DTL: variants seen among roughly 807,000 people sequenced by gnomAD.
DTL encodes the protein denticleless protein homolog.
In DTL, 46 loss-of-function variants were observed where a neutral mutation model predicts 87.0. The ratio of observed to expected loss-of-function variants is 0.53; its 90% CI spans 0.42 to 0.68. DTL has a LOEUF of 0.68. Among genes scored for constraint, DTL ranks in the 30% least tolerant of loss-of-function variants. The probability of loss-of-function intolerance (pLI) is 0.00; values close to 1 mark genes in which losing one functional copy is unlikely to be tolerated. For missense variants in DTL, 737 were observed against 869.4 expected (o/e 0.85, Z 1.91); for synonymous variants, 308 against 311.2 (o/e 0.99, Z 0.11).
intron 5 of DTL, among the ~76,000 whole-genome samples, chr1:212,053,025 G>A (rs893942542): frequency 1.4e-4 from 21 of 152,000 alleles, no homozygotes; most frequent in Non-Finnish European, 2.5e-4. Flanking sequence ...TAGTAATTTC[G>A]GTCTCTATAG....
At chr1:212,061,055 AAGT>A (rs988214936) in intron 5 of DTL, among the ~76,000 whole-genome samples, 1 of 152,188 alleles carries the variant, frequency 6.6e-6, no homozygotes, top group Admixed American at 6.5e-5. Flanking sequence ...AAATATTAAA[AAGT>A]AGGCAAACAC....
At chr1:212,096,721 A>G (rs535204047) in intron 13 of DTL, among the ~76,000 whole-genome samples, 20 of 152,230 alleles carry the variant, frequency 1.3e-4, no homozygotes, top group Non-Finnish European at 2.1e-4. Flanking sequence ...TTATTCCACT[A>G]TGGTCTGAGA....
At chr1:212,039,667 A>G (rs1443684423) in intron 1 of DTL, among the ~76,000 whole-genome samples, 3 of 152,238 alleles carry the variant, frequency 2.0e-5, no homozygotes, top group Non-Finnish European at 2.9e-5. Flanking sequence ...ACAAAGCTAG[A>G]TAGTGTAACT....
chr1:212,054,413 A>C (rs568590642), intron 5 of DTL, among the ~76,000 whole-genome samples: 1,682 of 151,972 alleles, frequency 0.011, 33 homozygotes, highest in African/African-American at 0.038. Flanking sequence ...CACACAAAAA[A>C]AAAAAAAACA....
chr1:212,041,566 C>G (rs1179150377), intron 1 of DTL, among the ~76,000 whole-genome samples: 1 of 151,786 alleles, frequency 6.6e-6, no homozygotes, highest in Non-Finnish European at 1.5e-5. Flanking sequence ...AGTGCAGTGG[C>G]GAGGTCTCAG....
chr1:212,035,794 A>G lies in DTL; in HGVS notation c.-97A>G. On this transcript the variant is annotated 5_prime_UTR_variant, in exon 1 of 15. Coordinates refer to ENST00000366991, the MANE Select transcript of DTL (RefSeq NM_016448.4). ...ACAGTGGCGGGAGTTGGAGGCGATA[A>G]CGATTTGTGTTGTGAGAGGCGCAAG... 3.3e-6 allele frequency: 4 copies of G among 1,206,620 alleles called. No homozygotes were observed. The highest frequency in any genetic ancestry group is 4.8e-6 in the Non-Finnish European group (4 of 835,402). 74.7% of individuals were successfully genotyped at this position (1,206,620 alleles called of 1,614,324 possible).
At position 212,078,208 on chromosome 1, in the gene DTL, G is replaced by A. The variant is rs1201091551; in HGVS notation, c.1071G>A (p.Leu357=). The change falls in exon 12 of 15, where the codon CTG becomes CTA. Residue 357 remains leucine, a synonymous_variant. Transcript: ENST00000366991. ...CCTGGCAACCTCCTACTGTGCTCCT[G>A]GGTCATTCTCAAGAGGTCACGTCTG... The part of the protein sequence containing the change: ...STPWQPPTVL[L]GHSQEVTSVC... The A allele has an allele frequency of 1.2e-6, 2 of 1,612,776 alleles. No individual in the cohort carries two copies. The highest frequency in any genetic ancestry group is 1.7e-6 in the Non-Finnish European group (2 of 1,178,950).
rs1234355799 is a variant in DTL, at chr1:212,068,257, T to C, written c.747T>C (p.Tyr249=). The change falls in exon 9 of 15, where the codon TAT becomes TAC. Residue 249 remains tyrosine, a synonymous_variant. Transcript: ENST00000366991. ...AAGTATGGGATTTACGTAAGAATTA[T>C]ACTGCTTATCGACAAGAACCCATAG... ...IIKVWDLRKN[Y]TAYRQEPIAS... The C allele has an allele frequency of 1.2e-6, 2 of 1,610,194 alleles. No homozygotes were observed. Among genetic ancestry groups the C allele is most frequent in the South Asian group, 1.1e-5 (1 of 90,010 alleles).
chr1:212,081,099 A>G (rs1654979479), intron 13 of DTL, among the ~76,000 whole-genome samples: 1 of 152,224 alleles, frequency 6.6e-6, no homozygotes. Flanking sequence ...AAGATAAAAA[A>G]GTAAAATATA....
At chr1:212,099,261 G>A (rs140459146) in intron 13 of DTL, among the ~76,000 whole-genome samples, 2,347 of 151,998 alleles carry the variant, frequency 0.015, 33 homozygotes, top group Non-Finnish European at 0.023. Context: ...TTGAAACGGA[G>A]TCTCGCTGTC....
At chr1:212,061,661 T>TA (rs1453897081) in intron 5 of DTL, among the ~76,000 whole-genome samples, 2 of 152,110 alleles carry the variant, frequency 1.3e-5, no homozygotes, top group South Asian at 2.1e-4. Flanking sequence ...AACGAACAAA[T>TA]AGAGTTTTTA....
intron 5 of DTL, 88 bp downstream of exon 5, chr1:212,047,505 G>A (rs2970592): frequency 0.57 from 867,078 of 1,513,094 alleles, 250,919 homozygotes; most frequent in Non-Finnish European, 0.59. Flanking sequence ...CCTTTCCCCT[G>A]TCAAAGTTAC....
rs1571942071 is a variant in DTL, at chr1:212,047,095, A to G, written c.278-56A>G. 4 of 1,494,902 alleles carry G rather than the reference A, an allele frequency of 2.7e-6. No individual in the cohort carries two copies. In the Admixed American group the frequency reaches 5.0e-5, roughly 19 times the overall value. The allele number at this position is 1,494,902 out of a possible 1,614,324, so 92.6% of individuals were successfully genotyped here. On this transcript the variant is annotated intron_variant, in intron 3 of 14. Coordinates refer to ENST00000366991, the MANE Select transcript of DTL (RefSeq NM_016448.4). ...TCCAGGCATTTAAAGTTATATTAATATGGGTACCACAGAATACAATTTAGA... is the reference window on the plus strand; with the variant it reads ...TCCAGGCATTTAAAGTTATATTAATGTGGGTACCACAGAATACAATTTAGA...
Position 212,040,461 on chromosome 1 carries a change from A to G in DTL, c.53-2532A>G, listed in dbSNP as rs928979349. Among the ~76,000 whole-genome samples, 22 of 152,240 alleles carry G rather than the reference A, an allele frequency of 1.4e-4. 1 individual carries two copies. The highest frequency in any genetic ancestry group is 2.0e-4 in the Admixed American group (3 of 15,286). On this transcript the variant is annotated intron_variant, in intron 1 of 14. Transcript: ENST00000366991. ...GTTTAGGCACAGTAAGAGATTAACA[A>G]TAACTAATAATAACATAGAACAATT...
At chr1:212,087,454 G>A (rs1421679591) in intron 13 of DTL, among the ~76,000 whole-genome samples, 1 of 152,102 alleles carries the variant, frequency 6.6e-6, no homozygotes, top group African/African-American at 2.4e-5. Flanking sequence ...GGAGGCTGAG[G>A]CAGGAGAATG....
At chr1:212,079,781 T>TTGAACA (rs1216869638) in intron 12 of DTL, among the ~76,000 whole-genome samples, 6 of 152,230 alleles carry the variant, frequency 3.9e-5, no homozygotes, top group South Asian at 2.1e-4. Context: ...GTTAAATATG[T>TTGAACA]GTATCTTCTT....
intron 13 of DTL, among the ~76,000 whole-genome samples, chr1:212,094,764 C>G (rs1037829229): frequency 1.3e-5 from 2 of 152,112 alleles, no homozygotes; most frequent in Non-Finnish European, 2.9e-5. Context: ...TTGTTTGTGT[C>G]ATCTGATTTC....
At chr1:212,040,962 G>A (rs116114349) in intron 1 of DTL, among the ~76,000 whole-genome samples, 2,507 of 152,288 alleles carry the variant, frequency 0.016, 57 homozygotes, top group African/African-American at 0.057. Context: ...GCGAAACCAC[G>A]GGTGAGGGGT....
At chr1:212,046,992 C>T (rs1453638762) in intron 3 of DTL, among the ~76,000 whole-genome samples, 159 bp from the exon 4 acceptor site, 10 of 152,158 alleles carry the variant, frequency 6.6e-5, no homozygotes, top group Admixed American at 2.6e-4. Context: ...TTCTGACTGA[C>T]GTGAAATGAT....
Sources: allele counts gnomAD v4.1 joint callset (sites outside exome capture counted in the v4.1 genomes callset), GRCh38; gene constraint gnomAD v4.1.1; transcripts MANE v1.5; gene names NCBI Gene and HGNC (gene_info 2026-07-23, HGNC 2026-07-21).